MYO16: variants seen among roughly 807,000 people sequenced by gnomAD.
The protein encoded by MYO16 is unconventional myosin-XVI.
MYO16 carries 94 observed loss-of-function variants against 205.3 expected under a neutral mutation model. The observed-to-expected ratio is 0.46, with a 90% CI of 0.39 to 0.54. MYO16 has a LOEUF of 0.54. MYO16 is among the 20% of genes least tolerant of loss of function. MYO16 has a pLI of 0.00. For missense variants in MYO16, 2,315 were observed against 2,387.5 expected, an observed-to-expected ratio of 0.97 and a Z score of 0.63; for synonymous variants, 988 against 954.0, an observed-to-expected ratio of 1.04 and a Z score of -0.66.
Position 109,140,159 on chromosome 13 carries a change from T to G in MYO16, c.4052-105T>G. The G allele has an allele frequency of 6.6e-7, 1 of 1,508,176 alleles. No individual in the cohort carries two copies. Among genetic ancestry groups the G allele is most frequent in the Non-Finnish European group, 8.8e-7 (1 of 1,140,038 alleles). 93.4% of individuals were successfully genotyped at this position (1,508,176 alleles called of 1,614,324 possible). A position where few individuals can be genotyped will look rare whatever the true frequency, so the allele number is the denominator to read the frequency against. On this transcript the variant is annotated intron_variant, in intron 31 of 34. Transcript: ENST00000457511. The surrounding 1 kb of genome is among the most constrained non-coding windows in gnomAD (Gnocchi z 8.0). Reference sequence around the variant, plus strand: ...AACATGCAGGCCCGGTCCCTTGGGATTCTCGGGGCACGGGGCCGTGGCTCC... The same window carrying G: ...AACATGCAGGCCCGGTCCCTTGGGAGTCTCGGGGCACGGGGCCGTGGCTCC...
At chr13:108,875,322 A>G (rs1330556473) in intron 12 of MYO16, among the ~76,000 whole-genome samples, 1 of 152,220 alleles carries the variant, frequency 6.6e-6, no homozygotes, top group Non-Finnish European at 1.5e-5. Flanking sequence ...AATTTTAACT[A>G]TGAGAAGGGT....
chr13:109,036,297 A>G (rs1369992939), intron 23 of MYO16, among the ~76,000 whole-genome samples: 1 of 152,072 alleles, frequency 6.6e-6, no homozygotes, highest in Non-Finnish European at 1.5e-5. Flanking sequence ...TGAGCCTGAC[A>G]CCCTTCAGTT....
At chr13:108,790,010 TG>T (rs1886569198) in intron 5 of MYO16, among the ~76,000 whole-genome samples, 1 of 152,014 alleles carries the variant, frequency 6.6e-6, no homozygotes, top group Non-Finnish European at 1.5e-5. Flanking sequence ...GGTGAGGGGC[TG>T]GGTTACCCTA....
At chr13:108,766,374 C>T (rs1216941667) in intron 4 of MYO16, among the ~76,000 whole-genome samples, 1 of 152,208 alleles carries the variant, frequency 6.6e-6, no homozygotes. Context: ...TCTGCAGGTG[C>T]ACATGCTACC....
rs572084767 is a variant in MYO16 at position 108,730,868 on chromosome 13, T to C, written c.507+3285T>C. ...TTCTAGACACTCCTTCTCTGTACTT[T>C]TATTTTATCTTCCTATTCTTTGATA... On this transcript the variant is annotated intron_variant, in intron 4 of 34. Coordinates refer to ENST00000457511, the MANE Select transcript of MYO16 (RefSeq NM_001198950.3). 3.3e-5 allele frequency among the ~76,000 whole-genome samples: 5 copies of C among 152,350 alleles called. No individual in the cohort carries two copies. The East Asian group carries it at 9.6e-4, about 29-fold the overall frequency.
chr13:108,601,325 C>A (rs1339868108), intron 1 of MYO16, among the ~76,000 whole-genome samples: 1 of 152,000 alleles, frequency 6.6e-6, no homozygotes, highest in Non-Finnish European at 1.5e-5. Context: ...ACACCACCAG[C>A]AGAGTAATTA....
intron 16 of MYO16, among the ~76,000 whole-genome samples, chr13:108,938,576 A>G (rs895219831): frequency 6.6e-6 from 1 of 152,172 alleles, no homozygotes; most frequent in African/African-American, 2.4e-5. Context: ...GGGTGGCCTA[A>G]CCTCCTACTC....
In MYO16 at chr13:109,120,351, C is replaced by T. The variant is rs749785210; in HGVS notation, c.3439-19C>T. 1.3e-6 allele frequency: 2 copies of T among 1,554,068 alleles called. No homozygotes were observed. The highest frequency in any genetic ancestry group is 2.3e-5 in the East Asian group (1 of 44,000). On this transcript the variant is annotated intron_variant, in intron 28 of 34. Transcript: ENST00000457511. ...GTATCTTCATGCTGTTAAATGTTTC[C>T]CTGCTGTTTGCATTTTAGATGGGAG...
chr13:109,052,330 TC>T lies in MYO16; in HGVS notation c.2905del (p.Gln969SerfsTer31). On this transcript the variant is annotated frameshift_variant, in exon 25 of 35. Transcript: ENST00000457511. LOFTEE classifies it high-confidence loss of function. ...GAAAATGTCGTGATCAATCATTTGT[TC>T]CAGTCGAAATTGTCACAAACAGGAT... ...TSENVVINHL[F>X]QSKLSQTGSL... The T allele has an allele frequency of 6.2e-7, 1 of 1,613,244 alleles. No individual in the cohort carries two copies. The highest frequency in any genetic ancestry group is 8.5e-7 in the Non-Finnish European group (1 of 1,179,458).
intron 5 of MYO16, among the ~76,000 whole-genome samples, chr13:108,791,348 C>T (rs1311686049): frequency 1.3e-5 from 2 of 152,068 alleles, no homozygotes; most frequent in Non-Finnish European, 2.9e-5. Flanking sequence ...CCTAAATGAC[C>T]AAATAATAGT....
At chr13:108,717,573 T>C (rs1056952195) in intron 3 of MYO16, among the ~76,000 whole-genome samples, 5 of 139,006 alleles carry the variant, frequency 3.6e-5, no homozygotes, top group African/African-American at 1.4e-4. Flanking sequence ...GAGCTTGCAG[T>C]GAGCTGAGAT....
chr13:108,721,030 G>A (rs938340841), intron 3 of MYO16, among the ~76,000 whole-genome samples: 1 of 152,132 alleles, frequency 6.6e-6, no homozygotes, highest in Non-Finnish European at 1.5e-5. Context: ...TAAGTTCGAA[G>A]TTCCCTTTGC....
At chr13:108,660,360 T>G (rs938858329) in intron 1 of MYO16, among the ~76,000 whole-genome samples, 2 of 152,196 alleles carry the variant, frequency 1.3e-5, no homozygotes, top group African/African-American at 4.8e-5. Flanking sequence ...ACCTGTCTAG[T>G]GCTGTCAATG....
chr13:108,809,994 C>T (rs907886708), intron 7 of MYO16, among the ~76,000 whole-genome samples: 1 of 152,100 alleles, frequency 6.6e-6, no homozygotes, highest in Non-Finnish European at 1.5e-5. Flanking sequence ...ATGAATGCCT[C>T]GTGTGTGTAT....
At chr13:108,699,539 C>T (rs1883220984) in intron 2 of MYO16, among the ~76,000 whole-genome samples, 1 of 152,054 alleles carries the variant, frequency 6.6e-6, no homozygotes, top group African/African-American at 2.4e-5. Flanking sequence ...TTGCATGCAT[C>T]CTGGATTTAC....
chr13:108,746,166 C>G (rs1270382619), intron 4 of MYO16, among the ~76,000 whole-genome samples: 1 of 152,050 alleles, frequency 6.6e-6, no homozygotes, highest in African/African-American at 2.4e-5. Context: ...GCACTCCAGC[C>G]TGGGCTACGG....
At chr13:108,561,450 A>G in the MYO16 span, among the ~76,000 whole-genome samples, 2 of 152,238 alleles carry the variant, frequency 1.3e-5, no homozygotes, top group East Asian at 3.9e-4. Context: ...AAACTGAAGC[A>G]ATGCTGCTTG....
chr13:108,725,993 G>A (rs1884323117), intron 3 of MYO16, among the ~76,000 whole-genome samples: 1 of 152,068 alleles, frequency 6.6e-6, no homozygotes, highest in Non-Finnish European at 1.5e-5. Flanking sequence ...AGGTACATCT[G>A]GTCTCTGTTA....
intron 9 of MYO16, among the ~76,000 whole-genome samples, chr13:108,829,560 G>A (rs1035343995): frequency 3.3e-5 from 5 of 152,146 alleles, no homozygotes; most frequent in African/African-American, 4.8e-5. Flanking sequence ...TTGTGTGGGG[G>A]CTGAGTCGCC....
Sources: allele counts gnomAD v4.1 joint callset (sites outside exome capture counted in the v4.1 genomes callset), GRCh38; gene constraint gnomAD v4.1.1; non-coding constraint Gnocchi (gnomAD v3.1); transcripts MANE v1.5; gene names NCBI Gene and HGNC (gene_info 2026-07-23, HGNC 2026-07-21).